Variants in CENPK observed in about 807,000 individuals in gnomAD.
CENPK encodes the protein centromere protein K.
Under a neutral mutation model 40.9 loss-of-function variants are expected in CENPK, and 46 were observed. The observed-to-expected ratio is 1.13, with a 90% CI of 0.89 to 1.44. The LOEUF is 1.44. Ranked by LOEUF, CENPK falls within the 40% of genes most tolerant of loss-of-function variation. The probability of loss-of-function intolerance (pLI) is 0.00; values close to 1 mark genes in which losing one functional copy is unlikely to be tolerated. For synonymous variants in CENPK, 107 were observed against 104.4 expected (o/e 1.02, Z -0.15); for missense variants, 288 against 303.5 (o/e 0.95, Z 0.38).
chr5:65,557,850 AG>A (rs1751251427), intron 2 of CENPK, among the ~76,000 whole-genome samples: 2 of 152,394 alleles, frequency 1.3e-5, no homozygotes, highest in South Asian at 4.1e-4. Context: ...GAGTAGTTTT[AG>A]AAGAATGGCA....
At chr5:65,553,357 CAA>C (rs112109997) in intron 3 of CENPK, among the ~76,000 whole-genome samples, 3 of 134,114 alleles carry the variant, frequency 2.2e-5, no homozygotes, top group Admixed American at 7.4e-5. Context: ...GCTGATCAGC[CAA>C]AAAAAAAAAA....
chr5:65,539,905 G>T (rs888279487), intron 6 of CENPK, among the ~76,000 whole-genome samples: 1 of 152,220 alleles, frequency 6.6e-6, no homozygotes, highest in Non-Finnish European at 1.5e-5. Flanking sequence ...TGCACCTGGG[G>T]CAACTGATGA....
chr5:65,541,954 A>G (rs896120175), intron 6 of CENPK, among the ~76,000 whole-genome samples: 1 of 152,264 alleles, frequency 6.6e-6, no homozygotes, highest in African/African-American at 2.4e-5. Context: ...TAGGAAGTCC[A>G]AGATTCAATG....
At chr5:65,554,307 G>A (rs261255) in intron 3 of CENPK, among the ~76,000 whole-genome samples, 90,052 of 151,734 alleles carry the variant, frequency 0.59, 27,062 homozygotes, top group Non-Finnish European at 0.63. Context: ...GCACACCACC[G>A]TGCCCAGCTA....
At chr5:65,546,261 C>T (rs947993331) in intron 5 of CENPK, among the ~76,000 whole-genome samples, 1 of 152,174 alleles carries the variant, frequency 6.6e-6, no homozygotes, top group Non-Finnish European at 1.5e-5. Context: ...CAGCCCTGGC[C>T]TCCCAAAGTG....
Position 65,557,207 on chromosome 5 carries a change from C to T in CENPK, c.-39-2261G>A, listed in dbSNP as rs574383050. ...TATTCAAGGAAGGAATGATAACTGT[C>T]AAACACTGGAGACAGGTCAAGTAAA... On this transcript the variant is annotated intron_variant, in intron 2 of 10. Transcript: ENST00000396679. Among the ~76,000 whole-genome samples the T allele has an allele frequency of 2.0e-5, 3 of 152,314 alleles. No homozygotes were observed. The South Asian group carries it at 6.2e-4, about 32-fold the overall frequency.
intron 6 of CENPK, among the ~76,000 whole-genome samples, chr5:65,542,139 C>T (rs1264270689): frequency 6.6e-6 from 1 of 152,180 alleles, no homozygotes; most frequent in East Asian, 1.9e-4. Context: ...TATCATCACA[C>T]TGGGGAATAG....
downstream of CENPK, among the ~76,000 whole-genome samples, chr5:65,514,263 G>GTTTTTTTTTTTTTTTTTTTTTTTTTTTTT (rs59636233): frequency 3.6e-5 from 1 of 27,732 alleles, no homozygotes; most frequent in Non-Finnish European, 6.3e-5. Context: ...TTTTTTTTTA[G>GTTTTTTTTTTTTTTTTTTTTTTTTTTTTT]TTTTTTTTAG....
chr5:65,551,073 C>A, intron 5 of CENPK: 1 of 276,210 alleles, frequency 3.6e-6, no homozygotes, highest in Non-Finnish European at 7.3e-6. Flanking sequence ...GAAACCCCGT[C>A]TCTACAAAAA....
chr5:65,528,634 T>C, intron 8 of CENPK, 56 bp from the exon 9 acceptor site: 3 of 1,417,996 alleles, frequency 2.1e-6, no homozygotes, highest in Non-Finnish European at 2.8e-6. Flanking sequence ...CATACACACA[T>C]GTAACTAGTT....
intron 6 of CENPK, among the ~76,000 whole-genome samples, chr5:65,532,977 A>C (rs1746150774): frequency 6.6e-6 from 1 of 151,764 alleles, no homozygotes; most frequent in Non-Finnish European, 1.5e-5. Flanking sequence ...CCATATCAAT[A>C]GATTTAAAAA....
chr5:65,502,105 T>G, the CENPK span, among the ~76,000 whole-genome samples: 1 of 152,154 alleles, frequency 6.6e-6, no homozygotes, highest in East Asian at 1.9e-4. Flanking sequence ...GTCCACTACT[T>G]TTGGCCTTTT....
intron 5 of CENPK, 42 bp from the exon 6 acceptor site, chr5:65,542,890 T>C (rs1374227056): frequency 6.5e-7 from 1 of 1,531,872 alleles, no homozygotes; most frequent in East Asian, 2.3e-5. Context: ...TATATTTAGT[T>C]AATTCTCAAA....
chr5:65,555,009 C>G, intron 2 of CENPK, 63 bp from the exon 3 acceptor site: 1 of 754,138 alleles, frequency 1.3e-6, no homozygotes, highest in Non-Finnish European at 2.4e-6. Context: ...CTGCCAGATA[C>G]TCATCTAGGG....
At chr5:65,530,688 A>T (rs1018107509) in intron 6 of CENPK, among the ~76,000 whole-genome samples, 2 of 152,220 alleles carry the variant, frequency 1.3e-5, no homozygotes, top group African/African-American at 2.4e-5. Flanking sequence ...AATAACTAAT[A>T]AGCCAATACT....
At chr5:65,498,087 T>C in the CENPK span, among the ~76,000 whole-genome samples, 1 of 152,180 alleles carries the variant, frequency 6.6e-6, no homozygotes, top group African/African-American at 2.4e-5. Flanking sequence ...TAGTATTTTC[T>C]GTTGGATTTT....
intron 5 of CENPK, among the ~76,000 whole-genome samples, chr5:65,544,218 G>A (rs1180127602): frequency 6.6e-6 from 1 of 151,962 alleles, no homozygotes; most frequent in Admixed American, 6.6e-5. Context: ...AAGGCAAAAG[G>A]GGAAAAAAAG....
chr5:65,523,526 C>T (rs1461033008), intron 9 of CENPK, among the ~76,000 whole-genome samples: 1 of 152,032 alleles, frequency 6.6e-6, no homozygotes, highest in African/African-American at 2.4e-5. Context: ...GCCGAGCAGG[C>T]TCTGAAAATC....
At position 65,533,810 on chromosome 5, in the gene CENPK, A is replaced by C. The variant is rs1290055076; in HGVS notation, c.289-4611T>G. Reference sequence around the variant, plus strand: ...GAAATCCCATCACTTTGGGAGGCCAAGGTGGGCAGATCATGAGGTCAGGAG... The same window carrying C: ...GAAATCCCATCACTTTGGGAGGCCACGGTGGGCAGATCATGAGGTCAGGAG... On this transcript the variant is annotated intron_variant, in intron 6 of 10. Coordinates refer to ENST00000396679, the MANE Select transcript of CENPK (RefSeq NM_022145.5). Among the ~76,000 whole-genome samples, 2 of 152,124 alleles carry C rather than the reference A, an allele frequency of 1.3e-5. 1 individual carries two copies. Among genetic ancestry groups the C allele is most frequent in the East Asian group, 3.9e-4 (2 of 5,192 alleles).
Sources: gnomAD v4.1 joint callset for allele counts (sites outside exome capture counted in the v4.1 genomes callset) on GRCh38, gnomAD v4.1.1 for gene constraint, MANE v1.5 for transcripts, NCBI Gene and HGNC (gene_info 2026-07-23, HGNC 2026-07-21) for gene names.